TUBE1: variants seen among roughly 807,000 people sequenced by gnomAD.
TUBE1 encodes tubulin epsilon chain.
Under a neutral mutation model 53.5 loss-of-function variants are expected in TUBE1, and 34 were observed. That is an observed-to-expected ratio of 0.64 (90% CI 0.48 to 0.85). TUBE1 has a LOEUF of 0.85. TUBE1 is among the 40% of genes least tolerant of loss of function. TUBE1 has a pLI of 0.00. For synonymous variants in TUBE1, 177 were observed against 198.4 expected (o/e 0.89, Z 0.91); for missense variants, 532 against 570.5 (o/e 0.93, Z 0.69).
chr6:112,072,131 T>C (rs1776879339), intron 10 of TUBE1, 55 bp from the exon 11 acceptor site: 1 of 1,366,730 alleles, frequency 7.3e-7, no homozygotes, highest in Non-Finnish European at 1.0e-6. Context: ...TAAAAATGTC[T>C]GCCATATAAT....
intron 6 of TUBE1, chr6:112,077,502 A>G (rs1399111763): frequency 6.6e-6 from 1 of 152,174 alleles, no homozygotes; most frequent in Non-Finnish European, 1.5e-5. Context: ...AGAAAATAAC[A>G]TGTCAGATGT....
At chr6:112,072,728 A>C (rs1554315522) in intron 10 of TUBE1, 30 bp downstream of exon 10, 5 of 1,608,442 alleles carry the variant, frequency 3.1e-6, no homozygotes, top group Non-Finnish European at 4.2e-6. Flanking sequence ...AGCAGCACAC[A>C]CAAATTATCT....
At chr6:112,073,905 A>C (rs1439687858) in intron 9 of TUBE1, among the ~76,000 whole-genome samples, 5 of 152,016 alleles carry the variant, frequency 3.3e-5, no homozygotes, top group Non-Finnish European at 7.4e-5. Context: ...TCTCCAGAGT[A>C]GCTGGGACTA....
intron 5 of TUBE1, 80 bp downstream of exon 5, chr6:112,081,012 G>A (rs782764129): frequency 1.9e-5 from 17 of 884,784 alleles, no homozygotes; most frequent in Middle Eastern, 2.7e-4. Context: ...ATCCTGTTTC[G>A]TATCAGCAGA....
intron 10 of TUBE1, 65 bp downstream of exon 10, chr6:112,072,689 TTAAC>T (rs149252139): frequency 0.035 from 52,850 of 1,520,348 alleles, 1,098 homozygotes; most frequent in Non-Finnish European, 0.042. Context: ...AGGGCGGCTG[TTAAC>T]TAACTACTAT....
chr6:112,074,878 A>T, intron 8 of TUBE1, 28 bp from the exon 9 acceptor site: 2 of 1,499,994 alleles, frequency 1.3e-6, no homozygotes, highest in Non-Finnish European at 8.9e-7. Flanking sequence ...AAATGAGAAA[A>T]TTTTTAATTT....
At chr6:112,081,012 G>C (rs782764129) in intron 5 of TUBE1, 80 bp downstream of exon 5, 3 of 884,786 alleles carry the variant, frequency 3.4e-6, no homozygotes, top group Admixed American at 4.1e-5. Flanking sequence ...ATCCTGTTTC[G>C]TATCAGCAGA....
chr6:112,074,866 TAAAATGAGAAA>T lies in TUBE1; in HGVS notation c.813-27_813-17del, dbSNP rs1296553861. ...TCTTGCAGAGCTAAAAAGTTAACAT[TAAAATGAGAAA>T]ATTTTTAATTTTAAAATTATACACT... On this transcript the variant is annotated splice_polypyrimidine_tract_variant and intron_variant, in intron 8 of 11. Coordinates refer to ENST00000368662, the MANE Select transcript of TUBE1 (RefSeq NM_016262.5). 2 of 1,543,174 alleles carry T rather than the reference TAAAATGAGAAA, an allele frequency of 1.3e-6. No homozygotes were observed. The highest frequency in any genetic ancestry group is 1.7e-6 in the Non-Finnish European group (2 of 1,148,540).
chr6:112,080,285 C>T (rs185816807), intron 5 of TUBE1, among the ~76,000 whole-genome samples: 1 of 151,994 alleles, frequency 6.6e-6, no homozygotes, highest in Non-Finnish European at 1.5e-5. Flanking sequence ...CTCTGCAAGT[C>T]TTTTTAAGTT....
intron 2 of TUBE1, 116 bp downstream of exon 2, chr6:112,087,117 G>T: frequency 3.5e-6 from 3 of 865,488 alleles, no homozygotes; most frequent in Non-Finnish European, 5.4e-6. Context: ...GTTCTTTACT[G>T]GGAAGATCCC....
intron 3 of TUBE1, 114 bp downstream of exon 3, chr6:112,086,442 A>T: frequency 1.6e-6 from 1 of 636,580 alleles, no homozygotes; most frequent in Non-Finnish European, 2.6e-6. Context: ...TTCAATAATG[A>T]AACAAAAAAA....
In TUBE1 at chr6:112,081,079, T is replaced by C. The variant is rs376465438; in HGVS notation, c.326+13A>G. On this transcript the variant is annotated intron_variant, in intron 5 of 11. Transcript: ENST00000368662. The stretch of plus-strand genomic sequence containing the variant: ...TTCAGAAGATATTCAATTTTTACGC[T>C]GTGTATTCTCACCAATTATTTCCTG... 10 of 1,460,440 alleles carry C rather than the reference T, an allele frequency of 6.8e-6. No individual in the cohort carries two copies. Among genetic ancestry groups the C allele is most frequent in the African/African-American group, 1.4e-5 (1 of 70,934 alleles). 90.5% of individuals were successfully genotyped at this position (1,460,440 alleles called of 1,614,324 possible). A position where few individuals can be genotyped will look rare whatever the true frequency, so the allele number is the denominator to read the frequency against.
rs187056028 is a variant in TUBE1 at position 112,076,447 on chromosome 6, A to C, written c.511T>G (p.Tyr171Asp). The C allele has an allele frequency of 1.1e-4, 173 of 1,613,628 alleles. No homozygotes were observed. The highest frequency in any genetic ancestry group is 8.2e-4 in the Admixed American group (49 of 59,946). Residue 171 changes from tyrosine (Y) to aspartate (D), a missense_variant, in exon 7 of 12, where the codon TAC becomes GAC. Tyr to Asp is a radical substitution (Grantham distance 160). Transcript: ENST00000368662. ...KVLEDEFPEV[Y>D]RFVTSIYPSG... ...GGATAAATGGAAGTCACAAATCTGT[A>C]TACTTCTGGGAATTCGTCTTCAAGC...
chr6:112,070,904 A>G lies in TUBE1; in HGVS notation c.*508T>C, dbSNP rs1776844755. The G allele has an allele frequency of 6.6e-6, 1 of 152,188 alleles. No individual in the cohort carries two copies. The highest frequency in any genetic ancestry group is 1.5e-5 in the Non-Finnish European group (1 of 68,018). The allele number at this position is 152,188 out of a possible 1,614,324, so 9.4% of individuals were successfully genotyped here. A position where few individuals can be genotyped will look rare whatever the true frequency, so the allele number is the denominator to read the frequency against. On this transcript the variant is annotated 3_prime_UTR_variant, in exon 12 of 12. Transcript: ENST00000368662. ...CTTTTGGGCAAACAAGTTGTTATCT[A>G]AAGAAGAAGCAAAACCTCCTTAACA...
rs1554317595 is a variant in TUBE1 at position 112,087,451 on chromosome 6, C to T, written c.-17G>A. The stretch of plus-strand genomic sequence containing the variant: ...CTGGGTCATGGTGGTGCGCCGCCGG[C>T]TCCGGGAGCTTGCTAGCCCGCGGCC... On this transcript the variant is annotated 5_prime_UTR_variant, in exon 1 of 12. Coordinates refer to ENST00000368662, the MANE Select transcript of TUBE1 (RefSeq NM_016262.5). 6.5e-6 allele frequency: 10 copies of T among 1,549,518 alleles called. No individual in the cohort carries two copies. The highest frequency in any genetic ancestry group is 7.9e-6 in the Non-Finnish European group (9 of 1,145,892).
Position 112,086,583 on chromosome 6 carries a change from C to A in TUBE1, c.125G>T (p.Ser42Ile). ...NQKGIYDEAISSFFRNVDTRV... is the reference protein window; with the variant it reads ...NQKGIYDEAIISFFRNVDTRV... ...GGTGTCCACATTTCTAAAGAAGCTG[C>A]TTATTGCCTCATCATAAATTCCTTT... Residue 42 changes from serine (S) to isoleucine (I), a missense_variant, in exon 3 of 12, where the codon AGC (serine) becomes ATC (isoleucine). By Grantham distance (142) the Ser-to-Ile change is moderately radical. Coordinates refer to ENST00000368662, the MANE Select transcript of TUBE1 (RefSeq NM_016262.5). The A allele has an allele frequency of 6.2e-7, 1 of 1,612,748 alleles. No homozygotes were observed. The highest frequency in any genetic ancestry group is 1.1e-5 in the South Asian group (1 of 91,004).
chr6:112,080,860 C>A (rs73541419), intron 5 of TUBE1, among the ~76,000 whole-genome samples: 1 of 151,948 alleles, frequency 6.6e-6, no homozygotes, highest in African/African-American at 2.4e-5. Flanking sequence ...ATTTATGAAA[C>A]GGAATTTAGC....
chr6:112,082,213 G>T (rs114136387), intron 4 of TUBE1, among the ~76,000 whole-genome samples: 55 of 152,206 alleles, frequency 3.6e-4, no homozygotes, highest in African/African-American at 1.3e-3. Context: ...TTTATATAGA[G>T]CAATCATATA....
At chr6:112,081,578 T>G (rs1193250562) in intron 4 of TUBE1, among the ~76,000 whole-genome samples, 5 of 152,092 alleles carry the variant, frequency 3.3e-5, no homozygotes, top group Non-Finnish European at 7.4e-5. Context: ...GGAACAATCA[T>G]GCTGCTCTTT....
Sources: allele counts gnomAD v4.1 joint callset (sites outside exome capture counted in the v4.1 genomes callset), GRCh38; gene constraint gnomAD v4.1.1; transcripts MANE v1.5; gene names NCBI Gene and HGNC (gene_info 2026-07-23, HGNC 2026-07-21).